ITSN1: variants seen among roughly 807,000 people sequenced by gnomAD.
The protein encoded by ITSN1 is intersectin-1.
In ITSN1, 58 loss-of-function variants were observed where a neutral mutation model predicts 239.8. That is an observed-to-expected ratio of 0.24 (90% CI 0.20 to 0.30). The LOEUF is 0.30. ITSN1 is among the 10% of genes least tolerant of loss of function. The probability of loss-of-function intolerance (pLI) is 1.00; values close to 1 mark genes in which losing one functional copy is unlikely to be tolerated. For synonymous variants in ITSN1, 780 were observed against 770.8 expected, an observed-to-expected ratio of 1.01 and a Z score of -0.20; for missense variants, 1,558 against 2,103.3, an observed-to-expected ratio of 0.74 and a Z score of 5.07.
At chr21:33,648,033 A>G (rs995093335) in intron 1 of ITSN1, among the ~76,000 whole-genome samples, 6 of 152,226 alleles carry the variant, frequency 3.9e-5, no homozygotes, top group African/African-American at 1.4e-4. Flanking sequence ...GAAAGATTGT[A>G]TCATTTTATA....
At chr21:33,767,885 C>T (rs2068836278) in intron 11 of ITSN1, 57 bp downstream of exon 11, 1 of 973,902 alleles carries the variant, frequency 1.0e-6, no homozygotes, top group Non-Finnish European at 1.6e-6. Context: ...TTAGAGATTT[C>T]CTATCTCTAA....
intron 5 of ITSN1, among the ~76,000 whole-genome samples, chr21:33,737,331 C>T (rs1185972550): frequency 6.6e-6 from 1 of 152,146 alleles, no homozygotes; most frequent in Non-Finnish European, 1.5e-5. Context: ...CTCTTCCCCC[C>T]AGACTTCTCC....
At chr21:33,651,042 G>A (rs1231508046) in intron 1 of ITSN1, among the ~76,000 whole-genome samples, 3 of 152,248 alleles carry the variant, frequency 2.0e-5, no homozygotes, top group Non-Finnish European at 2.9e-5. Context: ...TGTTGTCCAG[G>A]GGGCTAGCCC....
rs376611531 is a variant in ITSN1 at position 33,811,226 on chromosome 21, C to T, written c.2567+4C>T. 24 of 1,567,916 alleles carry T rather than the reference C, an allele frequency of 1.5e-5. No individual in the cohort carries two copies. Among genetic ancestry groups the T allele is most frequent in the East Asian group, 1.1e-4 (5 of 44,350 alleles). On this transcript the variant is annotated splice_donor_region_variant and intron_variant, in intron 21 of 39. Transcript: ENST00000381318. ...ACTGGGCCGACTTCAGCTCCACGTA[C>T]GTGTTGGTGGGCTCTTTCTGATGAT... is the stretch of plus-strand genomic sequence containing the variant.
At chr21:33,660,133 C>A (rs949541479) in intron 1 of ITSN1, among the ~76,000 whole-genome samples, 72 of 152,136 alleles carry the variant, frequency 4.7e-4, no homozygotes, top group African/African-American at 1.6e-3. Flanking sequence ...TATATTTTTT[C>A]ACTTTACTAC....
At chr21:33,854,927 G>C (rs1263182800) in intron 29 of ITSN1, among the ~76,000 whole-genome samples, 1 of 152,112 alleles carries the variant, frequency 6.6e-6, no homozygotes, top group Admixed American at 6.6e-5. Flanking sequence ...CTGGTCTTGG[G>C]TTGTTCCTGT....
At position 33,751,811 on chromosome 21, in the gene ITSN1, A is replaced by G. The variant is rs2067575177; in HGVS notation, c.528A>G (p.Ala176=). 6.2e-7 allele frequency: 1 copy of G among 1,600,380 alleles called. No individual in the cohort carries two copies. Among genetic ancestry groups the G allele is most frequent in the Admixed American group, 1.7e-5 (1 of 59,006 alleles). Residue 176 remains alanine (A), a splice_region_variant and synonymous_variant, in exon 7 of 40, where the codon GCA becomes GCG. Coordinates refer to ENST00000381318, the MANE Select transcript of ITSN1 (RefSeq NM_003024.3). ...ATTATTCAACATTTATTTTTACAGCAGCCACATTGCCAAAGAGTTCTTCCT... is the reference window on the plus strand; with the variant it reads ...ATTATTCAACATTTATTTTTACAGCGGCCACATTGCCAAAGAGTTCTTCCT... ...IQPLPAFAHP[A]ATLPKSSSFS...
chr21:33,873,331 G>C (rs184726698), intron 33 of ITSN1, among the ~76,000 whole-genome samples: 54 of 152,350 alleles, frequency 3.5e-4, no homozygotes, highest in African/African-American at 1.3e-3. Context: ...TATGCCCTCG[G>C]CATTCTCCTG....
At chr21:33,846,415 G>A (rs2074992183) in intron 29 of ITSN1, among the ~76,000 whole-genome samples, 1 of 152,232 alleles carries the variant, frequency 6.6e-6, no homozygotes, top group Admixed American at 6.5e-5. Context: ...TCCCCAGTTA[G>A]ACTGTGAGCT....
intron 19 of ITSN1, among the ~76,000 whole-genome samples, chr21:33,800,695 T>G (rs773993986): frequency 6.6e-6 from 1 of 152,128 alleles, no homozygotes; most frequent in Non-Finnish European, 1.5e-5. Context: ...ATGGTTGATC[T>G]AAATCATTTT....
At chr21:33,872,127 C>T (rs999375151) in intron 33 of ITSN1, among the ~76,000 whole-genome samples, 1 of 152,076 alleles carries the variant, frequency 6.6e-6, no homozygotes. Flanking sequence ...GCCAGATGAG[C>T]GTATATTGAA....
chr21:33,871,317 A>G (rs192430263), intron 33 of ITSN1, among the ~76,000 whole-genome samples: 1 of 152,046 alleles, frequency 6.6e-6, no homozygotes, highest in East Asian at 1.9e-4. Flanking sequence ...TGAAAAAGCA[A>G]CACTAAACTC....
chr21:33,753,368 C>T (rs1465626396), intron 7 of ITSN1, among the ~76,000 whole-genome samples: 6 of 152,158 alleles, frequency 3.9e-5, no homozygotes, highest in Admixed American at 3.9e-4. Context: ...TGAGGAAGCA[C>T]ACCCAGAGAA....
intron 29 of ITSN1, chr21:33,838,205 CA>C: frequency 2.0e-6 from 2 of 985,256 alleles, no homozygotes; most frequent in Admixed American, 1.2e-4. Context: ...GAAAATGGGG[CA>C]GGGGGAGCCT....
intron 24 of ITSN1, among the ~76,000 whole-genome samples, chr21:33,820,758 G>A (rs892619131): frequency 6.6e-6 from 1 of 152,056 alleles, no homozygotes. Context: ...TTATCTTAAT[G>A]ACTTTTTATC....
chr21:33,882,159 TG>T lies in ITSN1; in HGVS notation c.4342-82del. The T allele has an allele frequency of 8.4e-7, 1 of 1,189,944 alleles. No individual in the cohort carries two copies. Among genetic ancestry groups the T allele is most frequent in the Non-Finnish European group, 1.2e-6 (1 of 833,328 alleles). The allele number at this position is 1,189,944 out of a possible 1,614,324, so 73.7% of individuals were successfully genotyped here. On this transcript the variant is annotated intron_variant, in intron 34 of 39. Transcript: ENST00000381318. This position sits in a 1 kb window ranked among gnomAD's most constrained non-coding sequence, Gnocchi z 4.5. ...CCTGAGATCCGAGTCTGCTGGGGCC[TG>T]GCCTCTGATTCTGATGGAGCCCATG...
chr21:33,817,885 T>C, intron 22 of ITSN1: 1 of 317,716 alleles, frequency 3.1e-6, no homozygotes, highest in Non-Finnish European at 5.8e-6. Flanking sequence ...CTGTTAATCC[T>C]CCACTAAAAA....
chr21:33,741,512 A>G (rs1253770201), intron 5 of ITSN1, among the ~76,000 whole-genome samples: 1 of 150,920 alleles, frequency 6.6e-6, no homozygotes, highest in African/African-American at 2.5e-5. Context: ...CTAGATGACT[A>G]TAATTATAAA....
intron 27 of ITSN1, among the ~76,000 whole-genome samples, chr21:33,832,534 A>C (rs1602508026): frequency 6.6e-6 from 1 of 152,150 alleles, no homozygotes; most frequent in Non-Finnish European, 1.5e-5. Flanking sequence ...TGGCGCTGTC[A>C]CCAGAGTGAC....
Sources: gnomAD v4.1 joint callset for allele counts (sites outside exome capture counted in the v4.1 genomes callset) on GRCh38, gnomAD v4.1.1 for gene constraint, Gnocchi (gnomAD v3.1) non-coding constraint, MANE v1.5 for transcripts, NCBI Gene and HGNC (gene_info 2026-07-23, HGNC 2026-07-21) for gene names.